The following DSCAML1 variants were observed in gnomAD, a reference collection of about 807,000 sequenced individuals.
DSCAML1 encodes cell adhesion molecule DSCAML1.
DSCAML1 carries 38 observed loss-of-function variants against 200.5 expected under a neutral mutation model. The ratio of observed to expected loss-of-function variants is 0.19; its 90% CI spans 0.15 to 0.25. The LOEUF is 0.25. DSCAML1 is among the 10% of genes least tolerant of loss of function. The probability of loss-of-function intolerance (pLI) is 1.00; values close to 1 mark genes in which losing one functional copy is unlikely to be tolerated. For missense variants in DSCAML1, 2,223 were observed against 2,858.8 expected, an observed-to-expected ratio of 0.78 and a Z score of 5.07; for synonymous variants, 1,215 against 1,165.0, an observed-to-expected ratio of 1.04 and a Z score of -0.87.
At chr11:117,455,308 T>G (rs2048350910) in intron 19 of DSCAML1, among the ~76,000 whole-genome samples, 1 of 152,204 alleles carries the variant, frequency 6.6e-6, no homozygotes, top group South Asian at 2.1e-4. Context: ...GTCTCTGCCT[T>G]AACAGGTTCT....
intron 3 of DSCAML1, among the ~76,000 whole-genome samples, chr11:117,664,086 G>C (rs1259758127): frequency 2.0e-5 from 3 of 152,224 alleles, no homozygotes; most frequent in Non-Finnish European, 4.4e-5. Flanking sequence ...TGGGAAGAGA[G>C]AGGGCGTAGT....
In DSCAML1 at chr11:117,431,630, G is replaced by T; in HGVS notation, c.5278C>A (p.Arg1760Ser). The T allele has an allele frequency of 6.2e-7, 1 of 1,613,456 alleles. No homozygotes were observed. The highest frequency in any genetic ancestry group is 8.5e-7 in the Non-Finnish European group (1 of 1,179,634). The change falls in exon 31 of 33, where the codon CGC (arginine) becomes AGC (serine). Residue 1760 changes from arginine to serine, a missense_variant. Transcript: ENST00000651296. ...GTGCGCCAGTCGGAGGTGAGGGTGC[G>T]GGCAGGTGTGGAGGCCTGGCACTTG... ...LTKCQASTPA[R>S]TLTSDWRTVG...
chr11:117,733,079 G>A (rs947645145), intron 3 of DSCAML1, among the ~76,000 whole-genome samples: 5 of 152,144 alleles, frequency 3.3e-5, no homozygotes, highest in Non-Finnish European at 7.4e-5. Flanking sequence ...GAACTGGCAG[G>A]AGAGGAGGAC....
Position 117,518,740 on chromosome 11 carries a change from C to T in DSCAML1, c.1236G>A (p.Ser412=), listed in dbSNP as rs367574985. The change falls in exon 7 of 33, where the codon TCG becomes TCA. Residue 412 remains serine, a synonymous_variant. Coordinates refer to ENST00000651296, the MANE Select transcript of DSCAML1 (RefSeq NM_020693.4). This position sits in a 1 kb window ranked among gnomAD's most constrained non-coding sequence, Gnocchi z 6.3. ...ALEDGTPRIV[S]SFSEKVVNPG... Reference sequence around the variant, plus strand: ...GGTTGACCACCTTCTCGCTGAAGGACGAGACGATGCGGGGCGTGCCATCTG... The same window carrying T: ...GGTTGACCACCTTCTCGCTGAAGGATGAGACGATGCGGGGCGTGCCATCTG... The T allele has an allele frequency of 1.4e-5, 23 of 1,612,036 alleles. No homozygotes were observed. The highest frequency in any genetic ancestry group is 4.0e-5 in the African/African-American group (3 of 74,948).
intron 3 of DSCAML1, among the ~76,000 whole-genome samples, chr11:117,707,804 A>G (rs2053781665): frequency 6.6e-6 from 1 of 152,134 alleles, no homozygotes; most frequent in Admixed American, 6.5e-5. Context: ...AAGTGCTGGG[A>G]TTACAGGCGC....
chr11:117,592,415 A>T (rs890144210), intron 3 of DSCAML1, among the ~76,000 whole-genome samples: 1 of 152,024 alleles, frequency 6.6e-6, no homozygotes, highest in East Asian at 1.9e-4. Context: ...GTATGTGTGC[A>T]TGCATGTCCA....
chr11:117,479,544 A>T (rs1933156923), intron 14 of DSCAML1, among the ~76,000 whole-genome samples: 1 of 152,152 alleles, frequency 6.6e-6, no homozygotes, highest in East Asian at 1.9e-4. Context: ...GACTTACCAC[A>T]GTCTCCCCAG....
intron 16 of DSCAML1, among the ~76,000 whole-genome samples, chr11:117,467,793 A>C (rs561361814): frequency 3.5e-4 from 54 of 152,320 alleles, no homozygotes; most frequent in African/African-American, 1.3e-3. Flanking sequence ...ACATCATTAT[A>C]GATACAAATG....
At chr11:117,601,067 C>T (rs970649188) in intron 3 of DSCAML1, among the ~76,000 whole-genome samples, 17 of 152,286 alleles carry the variant, frequency 1.1e-4, no homozygotes, top group South Asian at 2.1e-4. Context: ...ACCATTTTGC[C>T]GTACACCCAC....
chr11:117,445,702 G>C (rs192410206), intron 20 of DSCAML1, among the ~76,000 whole-genome samples: 9 of 152,304 alleles, frequency 5.9e-5, no homozygotes, highest in African/African-American at 1.7e-4. Context: ...TGCATGTGTG[G>C]AGAACAGCTG....
chr11:117,485,330 T>C (rs893025793), intron 11 of DSCAML1, among the ~76,000 whole-genome samples: 2 of 152,176 alleles, frequency 1.3e-5, no homozygotes, highest in Non-Finnish European at 2.9e-5. Flanking sequence ...GTAACAACCA[T>C]ACCTGGAGCC....
At chr11:117,438,792 G>T in intron 24 of DSCAML1, 93 bp downstream of exon 24, 2 of 1,159,696 alleles carry the variant, frequency 1.7e-6, no homozygotes, top group African/African-American at 1.6e-5. Flanking sequence ...TCTGTCATTT[G>T]GAGACAAATG....
intron 1 of DSCAML1, among the ~76,000 whole-genome samples, chr11:117,808,325 T>C (rs2134088147): frequency 6.6e-6 from 1 of 152,288 alleles, no homozygotes; most frequent in Non-Finnish European, 1.5e-5. Flanking sequence ...GCCGACACAT[T>C]CCTATGGGTC....
chr11:117,700,987 C>T (rs2053657487), intron 3 of DSCAML1, among the ~76,000 whole-genome samples: 1 of 152,174 alleles, frequency 6.6e-6, no homozygotes, highest in African/African-American at 2.4e-5. Flanking sequence ...AAAACTGGGC[C>T]AGGTGCGGTG....
intron 11 of DSCAML1, among the ~76,000 whole-genome samples, chr11:117,495,698 G>A (rs1204101057): frequency 6.6e-6 from 1 of 152,076 alleles, no homozygotes; most frequent in Admixed American, 6.5e-5. Context: ...CAGTCACAGT[G>A]AACATGCCAC....
chr11:117,679,146 C>A (rs1694072134), intron 3 of DSCAML1, among the ~76,000 whole-genome samples: 1 of 152,222 alleles, frequency 6.6e-6, no homozygotes, highest in African/African-American at 2.4e-5. Context: ...GGTCTGGCCA[C>A]TGTGGGACGA....
At chr11:117,444,068 G>A (rs981908420) in intron 20 of DSCAML1, 29 bp from the exon 21 acceptor site, 1 of 1,592,576 alleles carries the variant, frequency 6.3e-7, no homozygotes, top group Non-Finnish European at 8.6e-7. Context: ...GAGGCTCTAA[G>A]AAGCAGAACT....
intron 3 of DSCAML1, among the ~76,000 whole-genome samples, chr11:117,635,888 G>C (rs954973581): frequency 6.6e-6 from 1 of 152,118 alleles, no homozygotes; most frequent in Non-Finnish European, 1.5e-5. Context: ...TTCAGGGGGA[G>C]TCTCTGAGGT....
intron 11 of DSCAML1, among the ~76,000 whole-genome samples, chr11:117,497,471 TC>T (rs1316766907): frequency 6.6e-6 from 1 of 152,196 alleles, no homozygotes; most frequent in Non-Finnish European, 1.5e-5. Flanking sequence ...AGAGGAAGTG[TC>T]CAGCCTTTCT....
Sources: gnomAD v4.1 joint callset for allele counts (sites outside exome capture counted in the v4.1 genomes callset) on GRCh38, gnomAD v4.1.1 for gene constraint, Gnocchi (gnomAD v3.1) non-coding constraint, MANE v1.5 for transcripts, NCBI Gene and HGNC (gene_info 2026-07-23, HGNC 2026-07-21) for gene names.